TTC3: variants seen among roughly 807,000 people sequenced by gnomAD.
TTC3 encodes tetratricopeptide repeat domain 3, also known as E3 ubiquitin-protein ligase TTC3.
Under a neutral mutation model 249.6 loss-of-function variants are expected in TTC3, and 180 were observed. The observed-to-expected ratio is 0.72, with a 90% CI of 0.64 to 0.82. TTC3 has a LOEUF of 0.82. Ranked by LOEUF, TTC3 falls within the 40% of genes least tolerant of loss-of-function variation. TTC3 has a pLI of 0.00. For missense variants in TTC3, 2,061 were observed against 2,398.4 expected (o/e 0.86, Z 2.94); for synonymous variants, 717 against 805.0 (o/e 0.89, Z 1.85).
intron 4 of TTC3, 121 bp downstream of exon 4, chr21:37,088,467 T>C: frequency 7.9e-7 from 1 of 1,262,598 alleles, no homozygotes; most frequent in South Asian, 1.6e-5. Context: ...AACGTTTGTG[T>C]AATAGGGTGG....
At chr21:37,118,446 A>G (rs2076331977) in intron 11 of TTC3, among the ~76,000 whole-genome samples, 1 of 152,304 alleles carries the variant, frequency 6.6e-6, no homozygotes, top group Non-Finnish European at 1.5e-5. Context: ...GCCTCAACAG[A>G]TATGTTTGTG....
chr21:37,145,697 G>T (rs2078924547), intron 21 of TTC3, among the ~76,000 whole-genome samples: 2 of 152,222 alleles, frequency 1.3e-5, no homozygotes, highest in African/African-American at 4.8e-5. Context: ...AAGAAGCATG[G>T]TGTCAGCACC....
At chr21:37,165,878 C>T in exon 33 of TTC3, 2 of 1,614,162 alleles carry the variant, frequency 1.2e-6, no homozygotes, top group Non-Finnish European at 1.7e-6. Context: ...AAAGTCTAAA[C>T]CAGTGTCAGA....
At chr21:37,076,589 T>C (rs1228533890) in intron 1 of TTC3, among the ~76,000 whole-genome samples, 1 of 152,096 alleles carries the variant, frequency 6.6e-6, no homozygotes, top group Non-Finnish European at 1.5e-5. Flanking sequence ...TTACCTTGTG[T>C]TTCTAACATT....
chr21:37,156,636 G>A lies in TTC3; in HGVS notation c.2741-19G>A. 1 of 1,589,512 alleles carries A rather than the reference G, an allele frequency of 6.3e-7. No homozygotes were observed. The highest frequency in any genetic ancestry group is 8.5e-7 in the Non-Finnish European group (1 of 1,169,734). Reference sequence around the variant, plus strand: ...ATAATTTCCCTCCTCTTCTGATTTGGGTTTTGTTTTTATTACAGGCTTAGA... The same window carrying A: ...ATAATTTCCCTCCTCTTCTGATTTGAGTTTTGTTTTTATTACAGGCTTAGA... On this transcript the variant is annotated intron_variant, in intron 27 of 45. Coordinates refer to ENST00000355666, the Ensembl canonical transcript of TTC3.
chr21:37,189,350 A>C (rs969242232), intron 39 of TTC3, among the ~76,000 whole-genome samples: 1 of 151,824 alleles, frequency 6.6e-6, no homozygotes, highest in Non-Finnish European at 1.5e-5. Flanking sequence ...GGTTCAAGCG[A>C]TTCTCTTGCC....
chr21:37,093,044 C>T (rs535282884), intron 7 of TTC3, among the ~76,000 whole-genome samples: 1 of 152,148 alleles, frequency 6.6e-6, no homozygotes, highest in Non-Finnish European at 1.5e-5. Context: ...ATCTGAAATA[C>T]CCCAAAATTT....
chr21:37,139,473 T>C (rs923712452), intron 19 of TTC3, among the ~76,000 whole-genome samples: 4 of 152,182 alleles, frequency 2.6e-5, no homozygotes, highest in African/African-American at 9.6e-5. Flanking sequence ...ACCTCAAGTA[T>C]AATATATAAT....
chr21:37,079,526 T>G (rs1288613959), intron 1 of TTC3, among the ~76,000 whole-genome samples: 2 of 136,624 alleles, frequency 1.5e-5, no homozygotes, highest in Admixed American at 7.2e-5. Flanking sequence ...GGTTTTTTTT[T>G]TTTTTTTTTT....
chr21:37,179,136 A>G (rs2082524295), intron 35 of TTC3, among the ~76,000 whole-genome samples: 2 of 152,058 alleles, frequency 1.3e-5, no homozygotes, highest in Admixed American at 6.5e-5. Context: ...TTAAATAAAT[A>G]ATTAGGTAGG....
intron 40 of TTC3, 88 bp from the exon 41 acceptor site, chr21:37,192,024 A>G: frequency 1.2e-6 from 1 of 805,242 alleles, no homozygotes; most frequent in Non-Finnish European, 2.0e-6. Flanking sequence ...CCTTACCAAG[A>G]CAGTTATGTT....
intron 10 of TTC3, among the ~76,000 whole-genome samples, chr21:37,106,600 ATG>A (rs2075098633): frequency 1.3e-5 from 2 of 152,170 alleles, no homozygotes. Context: ...CAAGATTCAT[ATG>A]GGCCAGGTGC....
chr21:37,188,716 T>C (rs1245494543), intron 39 of TTC3, 121 bp downstream of exon 39: 1 of 582,110 alleles, frequency 1.7e-6, no homozygotes, highest in African/African-American at 1.9e-5. Context: ...AATTGATACA[T>C]GTTCAATTGT....
chr21:37,157,763 T>A (rs555757637), intron 28 of TTC3, among the ~76,000 whole-genome samples: 1 of 152,330 alleles, frequency 6.6e-6, no homozygotes, highest in Admixed American at 6.5e-5. Context: ...TTCTTTTCTC[T>A]TAGATCTTAA....
intron 41 of TTC3, chr21:37,194,621 T>C (rs2084640342): frequency 6.6e-6 from 1 of 152,138 alleles, no homozygotes; most frequent in South Asian, 2.1e-4. Flanking sequence ...AGAGAAAAGA[T>C]CGTATCCTGA....
At chr21:37,075,093 C>T (rs2070648744) in intron 1 of TTC3, among the ~76,000 whole-genome samples, 2 of 151,110 alleles carry the variant, frequency 1.3e-5, no homozygotes, top group African/African-American at 4.9e-5. Context: ...AAGGTGAATC[C>T]ATACACAATA....
chr21:37,073,564 T>G lies in TTC3; in HGVS notation c.-12+200T>G, dbSNP rs2070335007. 3 of 928,770 alleles carry G rather than the reference T, an allele frequency of 3.2e-6. No homozygotes were observed. The South Asian group carries it at 1.5e-4, about 46-fold the overall frequency. The allele number at this position is 928,770 out of a possible 1,614,324, so 57.5% of individuals were successfully genotyped here. A position where few individuals can be genotyped will look rare whatever the true frequency, so the allele number is the denominator to read the frequency against. ...TTGGGTCCCGCGCGATGAGGGGGTG[T>G]GGCCGCCATTGCCTACCCCAGTGGG... is the stretch of plus-strand genomic sequence containing the variant. On this transcript the variant is annotated intron_variant, in intron 1 of 45. Transcript: ENST00000355666.
intron 44 of TTC3, among the ~76,000 whole-genome samples, chr21:37,199,015 C>T (rs1409712156): frequency 1.3e-5 from 2 of 152,180 alleles, no homozygotes; most frequent in Non-Finnish European, 2.9e-5. Context: ...AATGGCTCTT[C>T]CCCGGTCTGG....
chr21:37,185,283 G>A (rs1408230182), intron 36 of TTC3, among the ~76,000 whole-genome samples: 2 of 152,258 alleles, frequency 1.3e-5, no homozygotes, highest in African/African-American at 4.8e-5. Context: ...GCACCCGCGT[G>A]TGTGCATGAA....
Sources: allele counts gnomAD v4.1 joint callset (sites outside exome capture counted in the v4.1 genomes callset), GRCh38; gene constraint gnomAD v4.1.1; transcripts MANE v1.5; gene names NCBI Gene and HGNC (gene_info 2026-07-23, HGNC 2026-07-21).